The following STAU2 variants were observed in gnomAD, a reference collection of about 807,000 sequenced individuals.
STAU2 encodes staufen double-stranded RNA binding protein 2.
A neutral mutation model predicts 65.9 loss-of-function variants in STAU2; 20 were observed. The ratio of observed to expected loss-of-function variants is 0.30; its 90% confidence interval spans 0.21 to 0.44. STAU2 has a LOEUF of 0.44. Ranked by LOEUF, STAU2 falls within the 20% of genes least tolerant of loss-of-function variation. STAU2 has a pLI of 1.00. For synonymous variants in STAU2, 232 were observed against 233.9 expected, an observed-to-expected ratio of 0.99 and a Z score of 0.07; for missense variants, 558 against 683.9, an observed-to-expected ratio of 0.82 and a Z score of 2.05.
In STAU2 at chr8:73,422,904, C is replaced by T. The variant is rs368986577; in HGVS notation, c.1531-202G>A. Among the ~76,000 whole-genome samples the T allele has an allele frequency of 1.5e-3, 226 of 152,310 alleles. 1 individual carries two copies. Among genetic ancestry groups the T allele is most frequent in the African/African-American group, 5.2e-3 (216 of 41,560 alleles). ...AACCGGAACTAGAAGGGCTTTAAGT[C>T]TCCTGCCTTATCCCTTCTCCACAGT... On this transcript the variant is annotated intron_variant, in intron 13 of 14. Transcript: ENST00000524300.
At chr8:73,645,519 A>G (rs1008271146) in intron 6 of STAU2, among the ~76,000 whole-genome samples, 3 of 152,268 alleles carry the variant, frequency 2.0e-5, no homozygotes, top group Non-Finnish European at 2.9e-5. Flanking sequence ...TTTGTACATG[A>G]AGAATGAGGC....
chr8:73,713,418 T>C (rs1821032532), intron 3 of STAU2, among the ~76,000 whole-genome samples: 1 of 152,132 alleles, frequency 6.6e-6, no homozygotes, highest in African/African-American at 2.4e-5. Flanking sequence ...CACAGTCTGA[T>C]AGAAGAAACA....
chr8:73,739,952 C>T (rs1040317860), intron 1 of STAU2, 84 bp from the exon 2 acceptor site: 1 of 669,004 alleles, frequency 1.5e-6, no homozygotes, highest in African/African-American at 1.8e-5. Flanking sequence ...CCTTCTCTCA[C>T]TCATTTGCTC....
At chr8:73,719,246 T>C (rs1180795876) in intron 3 of STAU2, among the ~76,000 whole-genome samples, 1 of 151,928 alleles carries the variant, frequency 6.6e-6, no homozygotes, top group Non-Finnish European at 1.5e-5. Flanking sequence ...TACTAAAAAA[T>C]ACAAAAAAAT....
chr8:73,561,484 G>C, intron 12 of STAU2: 1 of 451,344 alleles, frequency 2.2e-6, no homozygotes, highest in Non-Finnish European at 4.4e-6. Context: ...GTAAAATAAA[G>C]ATCGTTCTTC....
At chr8:73,659,008 A>G (rs1367164645) in intron 6 of STAU2, among the ~76,000 whole-genome samples, 2 of 152,170 alleles carry the variant, frequency 1.3e-5, no homozygotes, top group Non-Finnish European at 2.9e-5. Context: ...AACTTCACAA[A>G]ACCTTCACTG....
intron 13 of STAU2, among the ~76,000 whole-genome samples, chr8:73,428,698 A>G (rs559248964): frequency 4.6e-5 from 7 of 152,314 alleles, no homozygotes; most frequent in Non-Finnish European, 1.0e-4. Flanking sequence ...GCCTGTTTTC[A>G]CTAGGTACAC....
At chr8:73,644,079 A>G (rs769275811) in intron 6 of STAU2, among the ~76,000 whole-genome samples, 12 of 152,248 alleles carry the variant, frequency 7.9e-5, no homozygotes, top group Non-Finnish European at 1.3e-4. Context: ...AAGTGAAATT[A>G]TACATAGTGT....
chr8:73,447,780 A>C (rs969970964), intron 13 of STAU2, among the ~76,000 whole-genome samples: 1 of 152,172 alleles, frequency 6.6e-6, no homozygotes, highest in African/African-American at 2.4e-5. Flanking sequence ...GAAAGTTAGC[A>C]GTCGTTTTCC....
At chr8:73,643,047 A>G (rs10101414) in intron 6 of STAU2, among the ~76,000 whole-genome samples, 11,067 of 152,172 alleles carry the variant, frequency 0.073, 442 homozygotes, top group Middle Eastern at 0.14. Context: ...CATGAAACAC[A>G]TATTTGACAA....
At chr8:73,431,115 G>C (rs1410292572) in intron 13 of STAU2, among the ~76,000 whole-genome samples, 2 of 152,180 alleles carry the variant, frequency 1.3e-5, no homozygotes, top group Non-Finnish European at 2.9e-5. Context: ...TTAAATCCAA[G>C]CTGTGTAACT....
chr8:73,457,654 C>A (rs1819140676), intron 13 of STAU2, among the ~76,000 whole-genome samples: 1 of 152,238 alleles, frequency 6.6e-6, no homozygotes, highest in South Asian at 2.1e-4. Flanking sequence ...GGTTTAAATA[C>A]CATTCTTGGC....
intron 13 of STAU2, among the ~76,000 whole-genome samples, chr8:73,496,721 C>T (rs1821441139): frequency 6.6e-6 from 1 of 151,704 alleles, no homozygotes. Flanking sequence ...ACCATTTCAA[C>T]ATTTAATCAA....
chr8:73,438,836 A>C (rs183180227), intron 13 of STAU2: 6 of 405,622 alleles, frequency 1.5e-5, no homozygotes, highest in East Asian at 7.2e-5. Flanking sequence ...CAAATTTGCA[A>C]CGTGAGAAGG....
intron 4 of STAU2, chr8:73,697,368 C>A (rs80187259): frequency 6.6e-6 from 1 of 152,092 alleles, no homozygotes; most frequent in Non-Finnish European, 1.5e-5. Flanking sequence ...AAGTCTTTCC[C>A]AGACAAACAA....
At chr8:73,577,367 C>T (rs1809646151) in intron 12 of STAU2, among the ~76,000 whole-genome samples, 3 of 150,388 alleles carry the variant, frequency 2.0e-5, no homozygotes, top group African/African-American at 7.3e-5. Flanking sequence ...GCGAAGCTTG[C>T]AGTGAGCCAA....
At chr8:73,649,874 TATATATATA>T (rs1815718166) in intron 6 of STAU2, among the ~76,000 whole-genome samples, 16 of 113,012 alleles carry the variant, frequency 1.4e-4, no homozygotes, top group South Asian at 5.7e-4. Flanking sequence ...TAATTTTATA[TATATATATA>T]TATATATATA....
chr8:73,622,231 A>G lies in STAU2; in HGVS notation c.411-4780T>C, dbSNP rs1813312860. 3.6e-5 allele frequency among the ~76,000 whole-genome samples: 4 copies of G among 110,398 alleles called. 1 individual carries two copies. The highest frequency in any genetic ancestry group is 9.2e-5 in the Admixed American group (1 of 10,918). The allele number at this position is 110,398 out of a possible 152,430, so 72.4% of individuals were successfully genotyped here. ...GGCTCCGCCCCCTGGGGTTCACGCC[A>G]TTCTCCTGCCTCAGCCTCCCGAGTA... On this transcript the variant is annotated intron_variant, in intron 6 of 14. Transcript: ENST00000524300.
intron 5 of STAU2, among the ~76,000 whole-genome samples, chr8:73,681,026 A>C (rs1211295884): frequency 6.6e-6 from 1 of 152,064 alleles, no homozygotes; most frequent in Non-Finnish European, 1.5e-5. Context: ...GAAAAATCTA[A>C]AAGTTTGGAA....
Sources: gnomAD v4.1 joint callset for allele counts (sites outside exome capture counted in the v4.1 genomes callset) on GRCh38, gnomAD v4.1.1 for gene constraint, MANE v1.5 for transcripts, NCBI Gene and HGNC (gene_info 2026-07-23, HGNC 2026-07-21) for gene names.